CDH13: variants seen among roughly 807,000 people sequenced by gnomAD.
CDH13 encodes the protein cadherin-13.
In CDH13, 24 loss-of-function variants were observed where a neutral mutation model predicts 63.8. That is an observed-to-expected ratio of 0.38 (90% CI 0.27 to 0.53). The LOEUF is 0.53. CDH13 is among the 20% of genes least tolerant of loss of function. The pLI, the probability that CDH13 is intolerant of heterozygous loss-of-function variation, is 0.85. For synonymous variants in CDH13, 503 were observed against 355.3 expected (o/e 1.42, Z -4.67); for missense variants, 1,049 against 903.1 (o/e 1.16, Z -2.07).
At chr16:83,636,114 C>A (rs923412227) in intron 8 of CDH13, among the ~76,000 whole-genome samples, 1 of 149,804 alleles carries the variant, frequency 6.7e-6, no homozygotes, top group African/African-American at 2.5e-5. Context: ...AAAAAAAAAT[C>A]ATGTGGGTGC....
chr16:83,795,134 C>G lies in CDH13; in HGVS notation c.*104C>G. 1 of 903,962 alleles carries G rather than the reference C, an allele frequency of 1.1e-6. No homozygotes were observed. The highest frequency in any genetic ancestry group is 1.7e-6 in the Non-Finnish European group (1 of 587,602). The allele number at this position is 903,962 out of a possible 1,614,324, so 56.0% of individuals were successfully genotyped here. ...TGCGGTTTACAGCTATCGAACTTCA[C>G]AACTAGGCCTCAATTGTTCCGGTTT... is the stretch of plus-strand genomic sequence containing the variant. On this transcript the variant is annotated 3_prime_UTR_variant, in exon 14 of 14. Transcript: ENST00000567109.
intron 3 of CDH13, among the ~76,000 whole-genome samples, chr16:83,112,590 T>C (rs1278670229): frequency 6.6e-6 from 1 of 152,212 alleles, no homozygotes; most frequent in Non-Finnish European, 1.5e-5. Context: ...ATGTGGTTAC[T>C]TCCTTTTTGT....
At chr16:83,760,417 G>C (rs1219077487) in intron 11 of CDH13, among the ~76,000 whole-genome samples, 3 of 152,150 alleles carry the variant, frequency 2.0e-5, no homozygotes, top group Non-Finnish European at 2.9e-5. Context: ...CTATTCATAA[G>C]AGCCCAAAGT....
chr16:83,596,177 C>T (rs1236598488), intron 7 of CDH13, among the ~76,000 whole-genome samples: 1 of 152,166 alleles, frequency 6.6e-6, no homozygotes, highest in Non-Finnish European at 1.5e-5. Flanking sequence ...CTGATGAGTT[C>T]ACTCACCTAG....
intron 6 of CDH13, among the ~76,000 whole-genome samples, chr16:83,411,780 A>G (rs11865044): frequency 0.028 from 4,226 of 152,280 alleles, 83 homozygotes; most frequent in African/African-American, 0.053. Context: ...CCAGGAAGTA[A>G]TATACAAGGG....
intron 8 of CDH13, among the ~76,000 whole-genome samples, chr16:83,629,677 A>C (rs1910611365): frequency 6.6e-6 from 1 of 152,204 alleles, no homozygotes; most frequent in African/African-American, 2.4e-5. Flanking sequence ...CTGGGGACAT[A>C]AACGAGAAGT....
At chr16:83,241,369 A>G (rs765315042) in intron 5 of CDH13, among the ~76,000 whole-genome samples, 9 of 152,220 alleles carry the variant, frequency 5.9e-5, no homozygotes, top group Non-Finnish European at 8.8e-5. Context: ...TTGCTAGATC[A>G]TATGGTAATT....
At chr16:82,704,996 A>G in intron 1 of CDH13, 1 of 366,148 alleles carries the variant, frequency 2.7e-6, no homozygotes, top group South Asian at 2.1e-5. Flanking sequence ...CCTCATGAGG[A>G]AGGTGAATGA....
intron 2 of CDH13, among the ~76,000 whole-genome samples, chr16:83,010,348 C>T (rs764828377): frequency 2.4e-4 from 36 of 152,006 alleles, no homozygotes; most frequent in Non-Finnish European, 4.4e-5. Context: ...ATACCCCTCC[C>T]ACCTGCATTA....
intron 1 of CDH13, among the ~76,000 whole-genome samples, chr16:82,816,995 G>T (rs1014689729): frequency 1.3e-5 from 2 of 152,154 alleles, no homozygotes; most frequent in East Asian, 3.9e-4. Context: ...TCTCCCTTAG[G>T]AAAGGGAGCT....
chr16:83,145,020 G>A (rs1339558022), intron 4 of CDH13, among the ~76,000 whole-genome samples: 3 of 152,050 alleles, frequency 2.0e-5, no homozygotes, highest in Admixed American at 6.5e-5. Flanking sequence ...AAATGGAGAC[G>A]CCGTGGCTAT....
chr16:83,215,985 C>T (rs1309566310), intron 4 of CDH13, among the ~76,000 whole-genome samples: 1 of 138,450 alleles, frequency 7.2e-6, no homozygotes, highest in Admixed American at 7.1e-5. Flanking sequence ...CATAAAAAGA[C>T]CACCCCCCAT....
At chr16:82,859,019 C>T (rs1218155485) in intron 2 of CDH13, 1 of 153,148 alleles carries the variant, frequency 6.5e-6, no homozygotes, top group African/African-American at 2.4e-5. Context: ...TCCTGAATTC[C>T]AATTGATTTA....
At chr16:83,629,472 A>T (rs1170151969) in intron 8 of CDH13, among the ~76,000 whole-genome samples, 5 of 152,222 alleles carry the variant, frequency 3.3e-5, no homozygotes, top group Admixed American at 2.6e-4. Flanking sequence ...TCATAATTTT[A>T]AAAACCCAGG....
chr16:83,044,986 T>C (rs1365725283), intron 3 of CDH13, among the ~76,000 whole-genome samples: 2 of 152,210 alleles, frequency 1.3e-5, no homozygotes, highest in Non-Finnish European at 1.5e-5. Flanking sequence ...GTTATTACCA[T>C]AAATCAAATA....
intron 1 of CDH13, chr16:82,824,100 C>T (rs747030993): frequency 1.6e-4 from 24 of 152,042 alleles, no homozygotes; most frequent in Non-Finnish European, 2.6e-4. Flanking sequence ...TATGAGATGT[C>T]ATTAGGGTCA....
chr16:83,570,972 A>ATATATAT (rs57638289), intron 7 of CDH13, among the ~76,000 whole-genome samples: 1,385 of 109,298 alleles, frequency 0.013, 15 homozygotes, highest in Middle Eastern at 0.02. Context: ...TATATATATA[A>ATATATAT]AAACCTTCTG....
intron 8 of CDH13, among the ~76,000 whole-genome samples, chr16:83,611,614 A>G (rs1183385068): frequency 3.3e-5 from 5 of 151,868 alleles, no homozygotes; most frequent in South Asian, 2.1e-4. Context: ...TACTTTAATC[A>G]TTGATTTTCA....
At chr16:83,152,871 TAGAAAAA>T (rs1358119491) in intron 4 of CDH13, among the ~76,000 whole-genome samples, 11 of 151,988 alleles carry the variant, frequency 7.2e-5, no homozygotes, top group Admixed American at 1.3e-4. Flanking sequence ...CTGGTGTCCT[TAGAAAAA>T]GGAAAAATAC....
Sources: allele counts gnomAD v4.1 joint callset (sites outside exome capture counted in the v4.1 genomes callset), GRCh38; gene constraint gnomAD v4.1.1; transcripts MANE v1.5; gene names NCBI Gene and HGNC (gene_info 2026-07-23, HGNC 2026-07-21).